FAT3: variants seen among roughly 807,000 people sequenced by gnomAD.
The protein encoded by FAT3 is protocadherin Fat 3.
Under a neutral mutation model 310.2 loss-of-function variants are expected in FAT3, and 95 were observed. The observed-to-expected ratio is 0.31, with a 90% CI of 0.26 to 0.36. The LOEUF (loss-of-function observed/expected upper bound fraction) is 0.36, where lower values mean the gene tolerates loss of function less well. Ranked by LOEUF, FAT3 falls within the 10% of genes least tolerant of loss-of-function variation. The probability of loss-of-function intolerance (pLI) is 1.00; values close to 1 mark genes in which losing one functional copy is unlikely to be tolerated. For missense variants in FAT3, 5,408 were observed against 5,715.6 expected (o/e 0.95, Z 1.74); for synonymous variants, 2,314 against 2,192.9 (o/e 1.06, Z -1.54).
At chr11:92,231,869 A>G (rs1864197684) in intron 1 of FAT3, among the ~76,000 whole-genome samples, 1 of 151,950 alleles carries the variant, frequency 6.6e-6, no homozygotes, top group Non-Finnish European at 1.5e-5. Flanking sequence ...AAGCAAAATG[A>G]GGCTATATCT....
chr11:92,512,926 TCCTGGC>T (rs1271642773), intron 2 of FAT3, among the ~76,000 whole-genome samples: 16 of 99,460 alleles, frequency 1.6e-4, no homozygotes, highest in Non-Finnish European at 2.2e-4. Flanking sequence ...ATCGAGACCA[TCCTGGC>T]TAACACGGTG....
At chr11:92,291,718 G>C (rs1946701689) in intron 1 of FAT3, among the ~76,000 whole-genome samples, 1 of 152,110 alleles carries the variant, frequency 6.6e-6, no homozygotes, top group African/African-American at 2.4e-5. Context: ...AGCTAGACTG[G>C]ATTTTGGAGA....
intron 3 of FAT3, among the ~76,000 whole-genome samples, chr11:92,558,652 A>G (rs1380166097): frequency 6.6e-6 from 1 of 152,186 alleles, no homozygotes; most frequent in Non-Finnish European, 1.5e-5. Context: ...AATTAATAAT[A>G]CAAGGACAAA....
At chr11:92,424,436 A>G (rs774125617) in intron 2 of FAT3, among the ~76,000 whole-genome samples, 3 of 152,116 alleles carry the variant, frequency 2.0e-5, no homozygotes, top group Admixed American at 6.6e-5. Context: ...CCACAACAAT[A>G]ACTTTATAAT....
chr11:92,717,944 G>C (rs550122115), intron 4 of FAT3, among the ~76,000 whole-genome samples: 14 of 152,216 alleles, frequency 9.2e-5, no homozygotes, highest in African/African-American at 3.4e-4. Context: ...AAATAGTCAT[G>C]GTGGATTGCA....
intron 9 of FAT3, among the ~76,000 whole-genome samples, chr11:92,793,283 G>A (rs1361210996): frequency 6.6e-6 from 1 of 152,086 alleles, no homozygotes; most frequent in Non-Finnish European, 1.5e-5. Context: ...GGACCAACAA[G>A]CCAGGGCCTC....
intron 3 of FAT3, among the ~76,000 whole-genome samples, chr11:92,556,635 G>T (rs1955029654): frequency 1.3e-5 from 2 of 152,130 alleles, no homozygotes; most frequent in Admixed American, 1.3e-4. Flanking sequence ...CAAGGTGCTG[G>T]AATACTACAA....
At chr11:92,727,417 A>G (rs1050649921) in intron 4 of FAT3, among the ~76,000 whole-genome samples, 2 of 150,472 alleles carry the variant, frequency 1.3e-5, no homozygotes, top group African/African-American at 2.5e-5. Context: ...GACATAAATA[A>G]TTATTTAGCT....
At chr11:92,259,429 A>G (rs976169077) in intron 1 of FAT3, among the ~76,000 whole-genome samples, 2 of 152,238 alleles carry the variant, frequency 1.3e-5, no homozygotes, top group South Asian at 4.1e-4. Context: ...CAGCACATAC[A>G]TTGGCCATGT....
chr11:92,792,338 G>A (rs1947059244), intron 8 of FAT3, among the ~76,000 whole-genome samples: 2 of 152,196 alleles, frequency 1.3e-5, no homozygotes, highest in African/African-American at 2.4e-5. Flanking sequence ...TAGTTGAATG[G>A]ATGAGTGAAA....
At chr11:92,344,769 G>A (rs764093349) in intron 1 of FAT3, among the ~76,000 whole-genome samples, 2 of 152,086 alleles carry the variant, frequency 1.3e-5, no homozygotes, top group Non-Finnish European at 2.9e-5. Flanking sequence ...GTTTGTGGGT[G>A]GAAAACATAA....
At chr11:92,365,021 A>T (rs1948980420) in intron 2 of FAT3, among the ~76,000 whole-genome samples, 2 of 152,226 alleles carry the variant, frequency 1.3e-5, no homozygotes, top group Non-Finnish European at 2.9e-5. Context: ...GCTCTTTGGG[A>T]GGCCAAGGCA....
intron 4 of FAT3, among the ~76,000 whole-genome samples, chr11:92,710,933 G>A (rs1001815365): frequency 4.6e-5 from 7 of 152,118 alleles, no homozygotes; most frequent in African/African-American, 7.2e-5. Flanking sequence ...AAATTACATA[G>A]TGCCTATGGT....
chr11:92,415,849 C>CTTTTTTTTTTTTTTTTTTT (rs1196695394), intron 2 of FAT3, among the ~76,000 whole-genome samples: 5 of 70,440 alleles, frequency 7.1e-5, no homozygotes, highest in African/African-American at 1.1e-4. Flanking sequence ...AGCATTTTTG[C>CTTTTTTTTTTTTTTTTTTT]TTTTTTTTTT....
rs144706567 is a variant in FAT3 at position 92,267,844 on chromosome 11, G to A, written c.-18+42670G>A. Among the ~76,000 whole-genome samples, 913 of 152,158 alleles carry A rather than the reference G, an allele frequency of 6.0e-3. 11 individuals are homozygous for A. Among genetic ancestry groups the A allele is most frequent in the African/African-American group, 0.021 (869 of 41,520 alleles). ...CTGTGAAAATCCTTTATGGAACTGC[G>A]TAAGGCTGTGTCCTTTGCAGGATGA... On this transcript the variant is annotated intron_variant, in intron 1 of 27. Coordinates refer to ENST00000525166, the MANE Select transcript of FAT3 (RefSeq NM_001367949.2).
At chr11:92,864,709 C>G (rs191385882) in intron 21 of FAT3, among the ~76,000 whole-genome samples, 8 of 151,918 alleles carry the variant, frequency 5.3e-5, no homozygotes, top group African/African-American at 1.9e-4. Flanking sequence ...CCCAGCTACT[C>G]GGGAGGCTGA....
At chr11:92,637,762 CTT>C (rs1279660965) in intron 3 of FAT3, among the ~76,000 whole-genome samples, 1 of 152,144 alleles carries the variant, frequency 6.6e-6, no homozygotes, top group Non-Finnish European at 1.5e-5. Context: ...CCTTGCTGAG[CTT>C]TTGAATATGT....
intron 1 of FAT3, among the ~76,000 whole-genome samples, chr11:92,311,924 T>G (rs1301760656): frequency 6.6e-6 from 1 of 152,076 alleles, no homozygotes; most frequent in East Asian, 1.9e-4. Flanking sequence ...TACATACCCA[T>G]GAAAACCTTA....
At chr11:92,733,970 T>C (rs1945265887) in intron 4 of FAT3, among the ~76,000 whole-genome samples, 1 of 152,242 alleles carries the variant, frequency 6.6e-6, no homozygotes, top group African/African-American at 2.4e-5. Flanking sequence ...TTTCCTTTGC[T>C]GCAAAGCATC....
Sources: allele counts gnomAD v4.1 joint callset (sites outside exome capture counted in the v4.1 genomes callset), GRCh38; gene constraint gnomAD v4.1.1; transcripts MANE v1.5; gene names NCBI Gene and HGNC (gene_info 2026-07-23, HGNC 2026-07-21).